DGKB: variants seen among roughly 807,000 people sequenced by gnomAD.
The protein encoded by DGKB is diacylglycerol kinase beta.
In DGKB, 67 loss-of-function variants were observed where a neutral mutation model predicts 114.3. The ratio of observed to expected loss-of-function variants is 0.59; its 90% CI spans 0.48 to 0.72. DGKB has a LOEUF of 0.72. Ranked by LOEUF, DGKB falls within the 30% of genes least tolerant of loss-of-function variation. DGKB has a pLI of 0.00. For synonymous variants in DGKB, 398 were observed against 323.1 expected (o/e 1.23, Z -2.49); for missense variants, 907 against 975.2 (o/e 0.93, Z 0.93).
At chr7:14,345,221 TG>T in intron 22 of DGKB, 79 bp downstream of exon 22, 1 of 747,222 alleles carries the variant, frequency 1.3e-6, no homozygotes, top group South Asian at 1.8e-5. Flanking sequence ...TTTCATTCCA[TG>T]GGCTCCAATG....
intron 6 of DGKB, among the ~76,000 whole-genome samples, chr7:14,704,685 G>C (rs1219354909): frequency 2.0e-5 from 3 of 152,058 alleles, no homozygotes; most frequent in Non-Finnish European, 4.4e-5. Flanking sequence ...AGCCTAACTG[G>C]GAGGCACCCT....
intron 23 of DGKB, among the ~76,000 whole-genome samples, chr7:14,200,764 A>C (rs1268934150): frequency 3.9e-5 from 6 of 152,052 alleles, no homozygotes; most frequent in African/African-American, 1.4e-4. Context: ...AAAAAAACGT[A>C]ATGTAGCATT....
At chr7:14,479,322 G>A (rs1782647676) in intron 20 of DGKB, among the ~76,000 whole-genome samples, 1 of 152,174 alleles carries the variant, frequency 6.6e-6, no homozygotes, top group Admixed American at 6.5e-5. Flanking sequence ...AACAAAGCAT[G>A]AAGCACAAAA....
chr7:14,329,013 C>A (rs975591871), intron 23 of DGKB, among the ~76,000 whole-genome samples: 1 of 151,972 alleles, frequency 6.6e-6, no homozygotes, highest in Non-Finnish European at 1.5e-5. Flanking sequence ...TCATGAACTA[C>A]ATGAGATTCT....
intron 1 of DGKB, among the ~76,000 whole-genome samples, chr7:14,894,540 C>T (rs1046549421): frequency 1.3e-5 from 2 of 151,484 alleles, no homozygotes; most frequent in Middle Eastern, 3.2e-3. Flanking sequence ...TACAAAGTCA[C>T]TAATTCAGGA....
At chr7:14,959,582 A>T (rs1786722532) in intron 1 of DGKB, among the ~76,000 whole-genome samples, 1 of 152,006 alleles carries the variant, frequency 6.6e-6, no homozygotes, top group Non-Finnish European at 1.5e-5. Flanking sequence ...CAAATTACAT[A>T]TTGCCATGCT....
intron 23 of DGKB, among the ~76,000 whole-genome samples, chr7:14,193,532 T>C (rs1461196861): frequency 6.6e-6 from 1 of 152,210 alleles, no homozygotes; most frequent in East Asian, 1.9e-4. Context: ...TCATGTTATG[T>C]ACAAAAATCA....
At chr7:14,590,113 A>C (rs1189362) in intron 17 of DGKB, among the ~76,000 whole-genome samples, 95,620 of 150,144 alleles carry the variant, frequency 0.64, 30,975 homozygotes, top group African/African-American at 0.73. Flanking sequence ...ATACATATGT[A>C]ACTAACCTGC....
intron 1 of DGKB, among the ~76,000 whole-genome samples, chr7:14,860,186 T>C (rs1245126720): frequency 6.6e-6 from 1 of 152,108 alleles, no homozygotes; most frequent in African/African-American, 2.4e-5. Context: ...GACAGCATAA[T>C]ATAAACTTAA....
chr7:14,811,858 A>T (rs1332376253), intron 2 of DGKB, among the ~76,000 whole-genome samples: 2 of 151,880 alleles, frequency 1.3e-5, no homozygotes, highest in East Asian at 3.9e-4. Context: ...GTATATTCAC[A>T]TTATTGTCTA....
intron 23 of DGKB, among the ~76,000 whole-genome samples, chr7:14,311,979 A>C (rs1805465739): frequency 6.7e-6 from 1 of 150,350 alleles, no homozygotes; most frequent in South Asian, 2.1e-4. Flanking sequence ...TCCAGACAGT[A>C]ACACCAATTG....
At chr7:14,286,609 T>G (rs961535720) in intron 23 of DGKB, among the ~76,000 whole-genome samples, 1 of 152,168 alleles carries the variant, frequency 6.6e-6, no homozygotes. Context: ...TACTCAGTAC[T>G]TTTCTTTGCC....
At chr7:14,205,849 T>C (rs1038781830) in intron 23 of DGKB, among the ~76,000 whole-genome samples, 1 of 151,970 alleles carries the variant, frequency 6.6e-6, no homozygotes, top group Non-Finnish European at 1.5e-5. Context: ...AATCTTACTA[T>C]AGCTTACTAA....
At chr7:14,149,684 A>G (rs978366520) in intron 25 of DGKB, among the ~76,000 whole-genome samples, 2 of 152,148 alleles carry the variant, frequency 1.3e-5, no homozygotes, top group African/African-American at 2.4e-5. Flanking sequence ...GGCAAGCCTT[A>G]TTTATCTTGC....
At chr7:14,848,303 C>G (rs1215355085) in intron 1 of DGKB, among the ~76,000 whole-genome samples, 2 of 152,154 alleles carry the variant, frequency 1.3e-5, no homozygotes, top group African/African-American at 4.8e-5. Context: ...AGAATGACTC[C>G]TGTATTTTGG....
At chr7:14,472,069 G>A (rs565812328) in intron 21 of DGKB, among the ~76,000 whole-genome samples, 1 of 152,112 alleles carries the variant, frequency 6.6e-6, no homozygotes, top group African/African-American at 2.4e-5. Flanking sequence ...ACTTCTTTTA[G>A]TTTATTCTAG....
chr7:14,653,388 A>G (rs924730772), intron 13 of DGKB, among the ~76,000 whole-genome samples: 11 of 152,290 alleles, frequency 7.2e-5, no homozygotes, highest in African/African-American at 2.2e-4. Flanking sequence ...CATCATTCTC[A>G]GTAAACTACT....
rs527532594 is a variant in DGKB, at chr7:14,872,340, G to C, written c.-188+30252C>G. On this transcript the variant is annotated intron_variant, in intron 1 of 25. Coordinates refer to ENST00000402815, the MANE Select transcript of DGKB (RefSeq NM_001350709.2). Reference sequence around the variant, plus strand: ...TTAAAACATTTTGCTGATGATTCCAGAGGCAGCAGACTCAGGATCTCCGCA... The same window carrying C: ...TTAAAACATTTTGCTGATGATTCCACAGGCAGCAGACTCAGGATCTCCGCA... Among the ~76,000 whole-genome samples, 3 of 152,270 alleles carry C rather than the reference G, an allele frequency of 2.0e-5. No individual in the cohort carries two copies. The South Asian group carries it at 6.2e-4, about 32-fold the overall frequency.
chr7:14,754,617 C>T (rs1038268090), intron 3 of DGKB, among the ~76,000 whole-genome samples: 5 of 152,094 alleles, frequency 3.3e-5, no homozygotes, highest in Admixed American at 6.6e-5. Context: ...GGTTTCCCCT[C>T]ATACTACCAA....
Sources: allele counts gnomAD v4.1 joint callset (sites outside exome capture counted in the v4.1 genomes callset), GRCh38; gene constraint gnomAD v4.1.1; transcripts MANE v1.5; gene names NCBI Gene and HGNC (gene_info 2026-07-23, HGNC 2026-07-21).